Variants in PCCB observed in about 807,000 individuals in gnomAD.
PCCB encodes the protein propionyl-CoA carboxylase subunit beta, also known as propionyl-CoA carboxylase beta chain, mitochondrial.
Under a neutral mutation model 60.7 loss-of-function variants are expected in PCCB, and 43 were observed. The ratio of observed to expected loss-of-function variants is 0.71; its 90% CI spans 0.55 to 0.91. The LOEUF is 0.91. Among genes scored for constraint, PCCB ranks in the 40% least tolerant of loss-of-function variants. The pLI is 0.00. For synonymous variants in PCCB, 276 were observed against 255.9 expected (o/e 1.08, Z -0.75); for missense variants, 766 against 702.8 (o/e 1.09, Z -1.02).
intron 10 of PCCB, among the ~76,000 whole-genome samples, chr3:136,322,701 ATGTAGCTTTGTGATACCGTCTAGTGTTC>A (rs1935150583): frequency 6.6e-6 from 1 of 152,172 alleles, no homozygotes; most frequent in African/African-American, 2.4e-5. Context: ...TTATTTCCTA[ATGTAGCTTTGTGATACCGTCTAGTGTTC>A]TTTTCTTTTA....
intron 10 of PCCB, among the ~76,000 whole-genome samples, chr3:136,324,899 T>C (rs1935247014): frequency 6.6e-6 from 1 of 152,162 alleles, no homozygotes; most frequent in African/African-American, 2.4e-5. Flanking sequence ...TACCATTTTC[T>C]TTTATTTTTT....
At chr3:136,299,518 G>GTGTA (rs1216222058) in intron 8 of PCCB, among the ~76,000 whole-genome samples, 1 of 136,352 alleles carries the variant, frequency 7.3e-6, no homozygotes, top group Non-Finnish European at 1.6e-5. Flanking sequence ...AGGTATGCAT[G>GTGTA]TGTATGTATG....
chr3:136,297,919 T>C, intron 7 of PCCB, 33 bp from the exon 8 acceptor site: 1 of 1,613,806 alleles, frequency 6.2e-7, no homozygotes, highest in Non-Finnish European at 8.5e-7. Context: ...GCTGGTACCC[T>C]GACTCAATCA....
rs77674197 is a variant in PCCB at position 136,292,402 on chromosome 3, A to T, written c.655-1354A>T. ...AATGCATATGATAGACTAAGGACTA[A>T]TTTCCTTAGTACATAAAAAAGCCAA... On this transcript the variant is annotated intron_variant, in intron 6 of 14. Coordinates refer to ENST00000251654, the MANE Select transcript of PCCB (RefSeq NM_000532.5). 8.0e-3 allele frequency among the ~76,000 whole-genome samples: 1,215 copies of T among 152,304 alleles called. 21 individuals carry two copies. Among genetic ancestry groups the T allele is most frequent in the African/African-American group, 0.027 (1,116 of 41,562 alleles).
At chr3:136,294,422 C>T (rs1933843142) in intron 7 of PCCB, among the ~76,000 whole-genome samples, 2 of 150,786 alleles carry the variant, frequency 1.3e-5, no homozygotes, top group Non-Finnish European at 3.0e-5. Context: ...AGCAATCCTC[C>T]CACCACAGAC....
At chr3:136,283,035 A>G (rs1324242419) in intron 5 of PCCB, among the ~76,000 whole-genome samples, 1 of 152,160 alleles carries the variant, frequency 6.6e-6, no homozygotes, top group Non-Finnish European at 1.5e-5. Context: ...TACTACCTTG[A>G]TATCTTTGCA....
At chr3:136,299,162 C>T (rs1010642560) in intron 8 of PCCB, among the ~76,000 whole-genome samples, 11 of 151,990 alleles carry the variant, frequency 7.2e-5, no homozygotes, top group Non-Finnish European at 1.6e-4. Context: ...CCAGCTATAC[C>T]TCTTCTGCAT....
At chr3:136,260,055 T>A (rs986385597) in intron 3 of PCCB, 1 of 257,844 alleles carries the variant, frequency 3.9e-6, no homozygotes, top group African/African-American at 2.4e-5. Flanking sequence ...CCCGGGCAAC[T>A]TTTTTTGTTT....
intron 5 of PCCB, among the ~76,000 whole-genome samples, chr3:136,270,807 T>G (rs1942178410): frequency 6.6e-6 from 1 of 152,042 alleles, no homozygotes; most frequent in Non-Finnish European, 1.5e-5. Context: ...CGCCCGGCTG[T>G]TTTTTGACTT....
chr3:136,256,022 C>T, intron 2 of PCCB, 47 bp downstream of exon 2: 2 of 1,613,276 alleles, frequency 1.2e-6, no homozygotes, highest in Non-Finnish European at 1.7e-6. Context: ...TGTGGCTCAG[C>T]TGGCCTACCC....
intron 7 of PCCB, among the ~76,000 whole-genome samples, chr3:136,296,661 TGACA>T (rs1435536342): frequency 6.6e-6 from 1 of 152,258 alleles, no homozygotes; most frequent in Non-Finnish European, 1.5e-5. Flanking sequence ...TTTAAGGAAC[TGACA>T]GACTCTCTTC....
chr3:136,295,834 GTTT>G (rs777323234), intron 7 of PCCB, among the ~76,000 whole-genome samples: 3 of 138,830 alleles, frequency 2.2e-5, no homozygotes, highest in Non-Finnish European at 1.6e-5. Context: ...TGTAACCTGA[GTTT>G]TTTTTTTTTT....
At chr3:136,328,919 T>G in intron 14 of PCCB, 62 bp downstream of exon 14, 9 of 1,326,774 alleles carry the variant, frequency 6.8e-6, no homozygotes, top group Non-Finnish European at 9.8e-6. Flanking sequence ...ATTCTTTCTC[T>G]ACAGAAATTG....
rs71157373 is a variant in PCCB, at chr3:136,308,234, C to CTTTT, written c.966+7137_966+7140dup. 8.4e-5 allele frequency among the ~76,000 whole-genome samples: 11 copies of CTTTT among 130,312 alleles called. No homozygotes were observed. The East Asian group carries it at 1.3e-3, about 16-fold the overall frequency. 85.5% of individuals were successfully genotyped at this position (130,312 alleles called of 152,430 possible). A position where few individuals can be genotyped will look rare whatever the true frequency, so the allele number is the denominator to read the frequency against. ...AGGTATTAACCATAATAAGGAAGGA[C>CTTTT]TTTTTTTTTTTTTTTTTGATATGGA... On this transcript the variant is annotated intron_variant, in intron 9 of 14. Coordinates refer to ENST00000251654, the MANE Select transcript of PCCB (RefSeq NM_000532.5).
At chr3:136,269,346 A>T (rs574294933) in intron 5 of PCCB, among the ~76,000 whole-genome samples, 1 of 152,236 alleles carries the variant, frequency 6.6e-6, no homozygotes, top group African/African-American at 2.4e-5. Flanking sequence ...TTGCAAATGT[A>T]TAGAGATACA....
In PCCB at chr3:136,323,807, C is replaced by CAAA. The variant is rs752634366; in HGVS notation, c.1091-2982_1091-2980dup. ...ATCTCAGAAACAAAACAAAACATCTCAAAAAAAAAAAAAAAACCCACTAGT... is the reference window on the plus strand; with the variant it reads ...ATCTCAGAAACAAAACAAAACATCTCAAAAAAAAAAAAAAAAAAACCCACTAGT... On this transcript the variant is annotated intron_variant, in intron 10 of 14. Coordinates refer to ENST00000251654, the MANE Select transcript of PCCB (RefSeq NM_000532.5). Among the ~76,000 whole-genome samples, 772 of 91,204 alleles carry CAAA rather than the reference C, an allele frequency of 8.5e-3. 9 individuals carry two copies. Among genetic ancestry groups the CAAA allele is most frequent in the African/African-American group, 0.028 (729 of 26,214 alleles). 59.8% of individuals were successfully genotyped at this position (91,204 alleles called of 152,430 possible). A position where few individuals can be genotyped will look rare whatever the true frequency, so the allele number is the denominator to read the frequency against.
intron 5 of PCCB, among the ~76,000 whole-genome samples, chr3:136,270,426 T>C (rs1465142938): frequency 6.6e-6 from 1 of 152,182 alleles, no homozygotes; most frequent in Non-Finnish European, 1.5e-5. Context: ...GCACTGGTTA[T>C]GAACTTTTCT....
intron 5 of PCCB, among the ~76,000 whole-genome samples, chr3:136,263,689 T>C (rs1008776159): frequency 6.6e-6 from 1 of 152,162 alleles, no homozygotes; most frequent in Admixed American, 6.6e-5. Context: ...GCCTGTGTTA[T>C]TTTTTGGTAA....
rs1437209449 is a variant in PCCB, at chr3:136,317,107, C to T, written c.1090+43C>T. The stretch of plus-strand genomic sequence containing the variant: ...TAAGCCTTGGTTTTGGGGTTGGAGG[C>T]CAGGGAAGCCTGGGTCCATGGTATC... On this transcript the variant is annotated intron_variant, in intron 10 of 14. Coordinates refer to ENST00000251654, the MANE Select transcript of PCCB (RefSeq NM_000532.5). The T allele has an allele frequency of 6.8e-6, 11 of 1,610,128 alleles. No individual in the cohort carries two copies. The Admixed American group carries it at 1.8e-4, about 27-fold the overall frequency.
Sources: allele counts gnomAD v4.1 joint callset (sites outside exome capture counted in the v4.1 genomes callset), GRCh38; gene constraint gnomAD v4.1.1; transcripts MANE v1.5; gene names NCBI Gene and HGNC (gene_info 2026-07-23, HGNC 2026-07-21).